UNC5D: variants seen among roughly 807,000 people sequenced by gnomAD.
UNC5D encodes unc-5 netrin receptor D.
Under a neutral mutation model 105.4 loss-of-function variants are expected in UNC5D, and 39 were observed. That is an observed-to-expected ratio of 0.37 (90% CI 0.29 to 0.48). The LOEUF is 0.48. Among genes scored for constraint, UNC5D ranks in the 20% least tolerant of loss-of-function variants. The pLI, the probability that UNC5D is intolerant of heterozygous loss-of-function variation, is 0.98. For synonymous variants in UNC5D, 452 were observed against 450.4 expected, an observed-to-expected ratio of 1.00 and a Z score of -0.04; for missense variants, 991 against 1,202.4, an observed-to-expected ratio of 0.82 and a Z score of 2.60.
chr8:35,448,261 G>C (rs1188907328), intron 1 of UNC5D, among the ~76,000 whole-genome samples: 2 of 152,012 alleles, frequency 1.3e-5, no homozygotes, highest in African/African-American at 2.4e-5. Context: ...CAGTCTGCTA[G>C]TTATCATATT....
At chr8:35,602,043 C>A (rs1272875695) in intron 4 of UNC5D, among the ~76,000 whole-genome samples, 1 of 152,168 alleles carries the variant, frequency 6.6e-6, no homozygotes, top group African/African-American at 2.4e-5. Context: ...TTTTCTGCAT[C>A]TATTGAGATC....
chr8:35,271,790 G>T, intron 1 of UNC5D, among the ~76,000 whole-genome samples: 1 of 146,046 alleles, frequency 6.8e-6, no homozygotes, highest in Non-Finnish European at 1.5e-5. Context: ...CACTCTATCT[G>T]TATAAGTGCC....
intron 1 of UNC5D, among the ~76,000 whole-genome samples, chr8:35,546,075 T>C (rs1815653404): frequency 6.6e-6 from 1 of 152,088 alleles, no homozygotes; most frequent in Non-Finnish European, 1.5e-5. Flanking sequence ...TTAAATTTTT[T>C]TGCAGAGAAG....
intron 1 of UNC5D, among the ~76,000 whole-genome samples, chr8:35,490,420 G>A (rs561991146): frequency 1.3e-5 from 2 of 152,192 alleles, no homozygotes; most frequent in South Asian, 4.2e-4. Context: ...TGTAGTCTCA[G>A]CTACTTCAGA....
At chr8:35,570,157 C>T (rs913498910) in intron 3 of UNC5D, among the ~76,000 whole-genome samples, 6 of 152,182 alleles carry the variant, frequency 3.9e-5, no homozygotes, top group African/African-American at 1.2e-4. Flanking sequence ...ATAGTATTAT[C>T]GGTCCTTCTA....
chr8:35,431,294 A>G (rs560925301), intron 1 of UNC5D, among the ~76,000 whole-genome samples: 96 of 152,250 alleles, frequency 6.3e-4, no homozygotes, highest in South Asian at 1.7e-3. Context: ...TCAGTTTATT[A>G]CTCATCTGAA....
chr8:35,249,245 A>T (rs2128810072), intron 1 of UNC5D, among the ~76,000 whole-genome samples: 1 of 148,424 alleles, frequency 6.7e-6, no homozygotes, highest in East Asian at 2.0e-4. Context: ...ATCCAAAAAG[A>T]GTGACTGGAT....
At chr8:35,583,829 A>G (rs915541902) in intron 3 of UNC5D, among the ~76,000 whole-genome samples, 1 of 152,230 alleles carries the variant, frequency 6.6e-6, no homozygotes, top group East Asian at 1.9e-4. Flanking sequence ...AACCAAATCA[A>G]TGCAGTCAAT....
At chr8:35,543,154 T>A (rs978870261) in intron 1 of UNC5D, among the ~76,000 whole-genome samples, 1 of 152,182 alleles carries the variant, frequency 6.6e-6, no homozygotes, top group Non-Finnish European at 1.5e-5. Flanking sequence ...TAGTCTTTGC[T>A]TTTTGGTATG....
intron 1 of UNC5D, among the ~76,000 whole-genome samples, chr8:35,414,717 G>C (rs1448530621): frequency 6.6e-6 from 1 of 152,066 alleles, no homozygotes; most frequent in Non-Finnish European, 1.5e-5. Context: ...TCTGACCTGG[G>C]CTGAGGTTTT....
intron 4 of UNC5D, among the ~76,000 whole-genome samples, chr8:35,675,738 T>A (rs1825167816): frequency 6.6e-6 from 1 of 152,056 alleles, no homozygotes; most frequent in African/African-American, 2.4e-5. Context: ...TAAAGCAGCT[T>A]TCTCCTCTTT....
intron 4 of UNC5D, among the ~76,000 whole-genome samples, chr8:35,601,366 A>G (rs1299003332): frequency 6.6e-6 from 1 of 152,216 alleles, no homozygotes; most frequent in African/African-American, 2.4e-5. Context: ...GAAGAAAGGC[A>G]GTGAATCTAT....
chr8:35,416,781 AACTT>A (rs1343414434), intron 1 of UNC5D, among the ~76,000 whole-genome samples: 1 of 152,186 alleles, frequency 6.6e-6, no homozygotes, highest in Non-Finnish European at 1.5e-5. Context: ...GTTGCAGACA[AACTT>A]AATCTGAAAG....
intron 4 of UNC5D, among the ~76,000 whole-genome samples, chr8:35,673,755 TAC>T: frequency 6.6e-6 from 1 of 152,174 alleles, no homozygotes; most frequent in Middle Eastern, 3.2e-3. Flanking sequence ...TGGTGTCCAA[TAC>T]AGTCACAAGA....
At chr8:35,625,322 G>A (rs1002142110) in intron 4 of UNC5D, among the ~76,000 whole-genome samples, 1 of 152,170 alleles carries the variant, frequency 6.6e-6, no homozygotes, top group African/African-American at 2.4e-5. Context: ...CCCCCTCGAT[G>A]TTCTGGTGGA....
intron 4 of UNC5D, among the ~76,000 whole-genome samples, chr8:35,668,692 G>C (rs1358964227): frequency 6.6e-6 from 1 of 152,062 alleles, no homozygotes; most frequent in East Asian, 1.9e-4. Context: ...AGTGAATATT[G>C]AGAAAAGTTA....
At chr8:35,676,717 T>G (rs1220518083) in intron 4 of UNC5D, among the ~76,000 whole-genome samples, 1 of 151,922 alleles carries the variant, frequency 6.6e-6, no homozygotes, top group East Asian at 1.9e-4. Context: ...GCCATGAGAG[T>G]GGGCAGTAGC....
At chr8:35,363,828 G>T (rs1050860964) in intron 1 of UNC5D, among the ~76,000 whole-genome samples, 1 of 152,090 alleles carries the variant, frequency 6.6e-6, no homozygotes. Context: ...TTAGCATCTA[G>T]TGATGATTCT....
chr8:35,433,271 T>G (rs1806777102), intron 1 of UNC5D, among the ~76,000 whole-genome samples: 1 of 152,200 alleles, frequency 6.6e-6, no homozygotes, highest in South Asian at 2.1e-4. Flanking sequence ...TACAAATATC[T>G]TGGAATCTCT....
Sources: allele counts gnomAD v4.1 joint callset (sites outside exome capture counted in the v4.1 genomes callset), GRCh38; gene constraint gnomAD v4.1.1; transcripts MANE v1.5; gene names NCBI Gene and HGNC (gene_info 2026-07-23, HGNC 2026-07-21).